Variants in DCC observed in about 807,000 individuals in gnomAD.
The protein encoded by DCC is DCC netrin 1 receptor.
DCC carries 58 observed loss-of-function variants against 172.5 expected under a neutral mutation model. The observed-to-expected ratio is 0.34, with a 90% CI of 0.27 to 0.42. DCC has a LOEUF of 0.42. DCC is among the 10% of genes least tolerant of loss of function. The pLI, the probability that DCC is intolerant of heterozygous loss-of-function variation, is 1.00. For synonymous variants in DCC, 709 were observed against 644.5 expected (o/e 1.10, Z -1.52); for missense variants, 1,740 against 1,791.0 (o/e 0.97, Z 0.51).
At chr18:52,813,139 A>G (rs9963965) in intron 2 of DCC, among the ~76,000 whole-genome samples, 6,429 of 151,826 alleles carry the variant, frequency 0.042, 226 homozygotes, top group South Asian at 0.17. Flanking sequence ...AATGATCCCT[A>G]ATGATCTTTC....
chr18:52,851,111 C>T (rs889286085), intron 2 of DCC, among the ~76,000 whole-genome samples: 1 of 152,026 alleles, frequency 6.6e-6, no homozygotes, highest in Admixed American at 6.6e-5. Context: ...ACGATGTATA[C>T]TTGTCTTTTT....
chr18:53,515,504 A>C (rs1457879516), intron 27 of DCC, among the ~76,000 whole-genome samples: 1 of 148,898 alleles, frequency 6.7e-6, no homozygotes. Context: ...AGAGGAAGTC[A>C]AATTGTCCCT....
In DCC at chr18:53,086,323, CCT is replaced by C. The variant is rs369034588; in HGVS notation, c.1261+20158_1261+20159del. On this transcript the variant is annotated intron_variant, in intron 7 of 28. Coordinates refer to ENST00000442544, the MANE Select transcript of DCC (RefSeq NM_005215.4). ...CTTTCTTCTTCTTCTTCTTCTTCTT[CCT>C]TTCTTCTTCTTCTTCTTCTTCTTCT... Among the ~76,000 whole-genome samples, 6 of 24,058 alleles carry C rather than the reference CCT, an allele frequency of 2.5e-4. 2 individuals are homozygous for C. Among genetic ancestry groups the C allele is most frequent in the African/African-American group, 1.4e-3 (2 of 1,384 alleles). The allele number at this position is 24,058 out of a possible 152,430, so 15.8% of individuals were successfully genotyped here. A position where few individuals can be genotyped will look rare whatever the true frequency, so the allele number is the denominator to read the frequency against.
chr18:52,470,087 T>C (rs927271323), intron 1 of DCC, among the ~76,000 whole-genome samples: 1 of 152,210 alleles, frequency 6.6e-6, no homozygotes, highest in Non-Finnish European at 1.5e-5. Context: ...TGTATTTGAT[T>C]GTGAAGAAAC....
chr18:52,573,043 T>A (rs1029655193), intron 1 of DCC, among the ~76,000 whole-genome samples: 1 of 152,200 alleles, frequency 6.6e-6, no homozygotes, highest in South Asian at 2.1e-4. Context: ...AGAAACCGTA[T>A]GTAATGTGAT....
chr18:52,680,361 T>C (rs976331623), intron 1 of DCC, among the ~76,000 whole-genome samples: 21 of 152,194 alleles, frequency 1.4e-4, no homozygotes, highest in African/African-American at 5.1e-4. Context: ...AGAAGGCCAG[T>C]GATGTTTGCT....
At chr18:52,516,373 T>G (rs1421803271) in intron 1 of DCC, among the ~76,000 whole-genome samples, 1 of 152,210 alleles carries the variant, frequency 6.6e-6, no homozygotes, top group Non-Finnish European at 1.5e-5. Flanking sequence ...AAATTGTGAT[T>G]TGTGTTGTGG....
intron 1 of DCC, among the ~76,000 whole-genome samples, chr18:52,557,623 G>A (rs1285680932): frequency 1.3e-5 from 2 of 152,176 alleles, no homozygotes; most frequent in African/African-American, 2.4e-5. Flanking sequence ...AAGGTGAGAA[G>A]TCTGAATTCA....
intron 1 of DCC, among the ~76,000 whole-genome samples, chr18:52,610,130 A>G (rs2034221050): frequency 7.9e-6 from 1 of 126,128 alleles, no homozygotes. Context: ...CCTGGCCAAC[A>G]TGGCAAAACC....
intron 1 of DCC, among the ~76,000 whole-genome samples, chr18:52,440,205 G>C (rs1043844848): frequency 6.6e-6 from 1 of 152,194 alleles, no homozygotes; most frequent in South Asian, 2.1e-4. Flanking sequence ...ATCAGGGCCA[G>C]TTACAAAGGA....
At chr18:52,836,264 C>T (rs896213698) in intron 2 of DCC, among the ~76,000 whole-genome samples, 8 of 152,138 alleles carry the variant, frequency 5.3e-5, no homozygotes, top group African/African-American at 1.4e-4. Flanking sequence ...TATAATTCTT[C>T]CCCTGGTTCC....
At chr18:52,812,686 T>C (rs188451730) in intron 2 of DCC, among the ~76,000 whole-genome samples, 2 of 152,352 alleles carry the variant, frequency 1.3e-5, no homozygotes, top group Admixed American at 1.3e-4. Flanking sequence ...GTGGCTTAAA[T>C]AGTGCTTAAG....
chr18:52,601,109 T>C (rs2034008440), intron 1 of DCC, among the ~76,000 whole-genome samples: 2 of 152,158 alleles, frequency 1.3e-5, no homozygotes, highest in South Asian at 2.1e-4. Context: ...GGCAGAATTA[T>C]CTAAGTTGCT....
intron 1 of DCC, among the ~76,000 whole-genome samples, chr18:52,686,483 C>T (rs892908533): frequency 7.2e-5 from 11 of 152,040 alleles, no homozygotes; most frequent in African/African-American, 2.4e-4. Context: ...TTGATTAGTC[C>T]ACCTGTGGTT....
chr18:53,468,367 A>ATTTATTTATTTAT (rs1208354994), intron 25 of DCC, among the ~76,000 whole-genome samples: 1,325 of 129,532 alleles, frequency 0.01, 27 homozygotes, highest in African/African-American at 0.034. Context: ...TATTTATTTT[A>ATTTATTTATTTAT]TTTATTTATT....
At chr18:52,861,257 A>T (rs1298884700) in intron 2 of DCC, among the ~76,000 whole-genome samples, 1 of 152,182 alleles carries the variant, frequency 6.6e-6, no homozygotes, top group African/African-American at 2.4e-5. Flanking sequence ...GTACGGAAAC[A>T]ATGTAGACAA....
At chr18:53,444,275 C>A (rs1912457002) in intron 22 of DCC, among the ~76,000 whole-genome samples, 1 of 152,092 alleles carries the variant, frequency 6.6e-6, no homozygotes, top group African/African-American at 2.4e-5. Context: ...GGCATGGTGG[C>A]TTATGCCTAT....
At chr18:52,673,303 A>G (rs773644883) in intron 1 of DCC, among the ~76,000 whole-genome samples, 11 of 152,150 alleles carry the variant, frequency 7.2e-5, no homozygotes, top group Non-Finnish European at 1.5e-4. Context: ...CATTTCATTT[A>G]GTTGTCATGT....
At chr18:52,905,872 C>G (rs2039874798) in intron 2 of DCC, among the ~76,000 whole-genome samples, 172 bp from the exon 3 acceptor site, 1 of 152,200 alleles carries the variant, frequency 6.6e-6, no homozygotes, top group Non-Finnish European at 1.5e-5. Context: ...TCTGAGCATA[C>G]TGTAGTGCCA....
Sources: gnomAD v4.1 joint callset for allele counts (sites outside exome capture counted in the v4.1 genomes callset) on GRCh38, gnomAD v4.1.1 for gene constraint, MANE v1.5 for transcripts, NCBI Gene and HGNC (gene_info 2026-07-23, HGNC 2026-07-21) for gene names.